The following WWOX variants were observed in gnomAD, a reference collection of about 807,000 sequenced individuals.
The protein encoded by WWOX is WW domain containing oxidoreductase.
WWOX carries 69 observed loss-of-function variants against 46.2 expected under a neutral mutation model. That is an observed-to-expected ratio of 1.49 (90% confidence interval 1.23 to 1.82). WWOX has a LOEUF of 1.82. Among genes scored for constraint, WWOX ranks in the 40% most tolerant of loss-of-function variants. WWOX has a pLI of 0.00. For synonymous variants in WWOX, 359 were observed against 202.6 expected (o/e 1.77, Z -6.56); for missense variants, 919 against 542.6 (o/e 1.69, Z -6.89).
intron 8 of WWOX, among the ~76,000 whole-genome samples, chr16:78,968,284 T>C (rs1353839672): frequency 5.9e-5 from 9 of 152,216 alleles, no homozygotes; most frequent in Non-Finnish European, 1.0e-4. Flanking sequence ...CTGTGCCCCA[T>C]AGTCCTACCC....
At chr16:78,873,194 A>T (rs1322273613) in intron 8 of WWOX, 1 of 152,120 alleles carries the variant, frequency 6.6e-6, no homozygotes, top group Non-Finnish European at 1.5e-5. Flanking sequence ...TCGTGCACTT[A>T]TTATGTATGT....
chr16:78,957,791 C>G (rs575367179), intron 8 of WWOX, among the ~76,000 whole-genome samples: 1 of 152,196 alleles, frequency 6.6e-6, no homozygotes, highest in South Asian at 2.1e-4. Flanking sequence ...ACTCTCTTGT[C>G]CTGTTTTAAT....
rs552991594 is a variant in WWOX at position 79,130,914 on chromosome 16, T to C, written c.1057-80694T>C. On this transcript the variant is annotated intron_variant, in intron 8 of 8. Coordinates refer to ENST00000566780, the MANE Select transcript of WWOX (RefSeq NM_016373.4). ...TTGAAATAGAAAAGGGGGAAATGGC[T>C]GCATGCCAACCGAAGAGACCACTGC... 1.1e-3 allele frequency among the ~76,000 whole-genome samples: 166 copies of C among 152,308 alleles called. 1 individual carries two copies. The highest frequency in any genetic ancestry group is 5.4e-3 in the South Asian group (26 of 4,826).
intron 5 of WWOX, among the ~76,000 whole-genome samples, chr16:78,187,496 G>C (rs1241024410): frequency 8.5e-5 from 13 of 152,112 alleles, no homozygotes; most frequent in Admixed American, 7.2e-4. Flanking sequence ...CCACCTACTT[G>C]GGAGGCTAAG....
chr16:78,120,503 G>C (rs950846497), intron 4 of WWOX, among the ~76,000 whole-genome samples: 6 of 151,690 alleles, frequency 4.0e-5, no homozygotes, highest in Admixed American at 1.3e-4. Context: ...CCGGGAAGTG[G>C]AGCTTGCAGT....
chr16:78,929,256 T>A (rs955518245), intron 8 of WWOX, among the ~76,000 whole-genome samples: 79 of 71,702 alleles, frequency 1.1e-3, no homozygotes, highest in African/African-American at 7.9e-3. Context: ...ATACAGTGAT[T>A]TTTTTTTTTG....
chr16:79,167,191 C>G (rs917194417), intron 8 of WWOX, among the ~76,000 whole-genome samples: 24 of 152,296 alleles, frequency 1.6e-4, no homozygotes, highest in South Asian at 4.1e-4. Context: ...ATCCACCCAC[C>G]TCGGCCTCCC....
chr16:79,163,645 A>G (rs1303513328), intron 8 of WWOX, among the ~76,000 whole-genome samples: 1 of 152,058 alleles, frequency 6.6e-6, no homozygotes, highest in African/African-American at 2.4e-5. Flanking sequence ...CTAAACATAC[A>G]AAATTAGCCT....
intron 6 of WWOX, among the ~76,000 whole-genome samples, chr16:78,415,313 T>A (rs1597197876): frequency 1.3e-5 from 2 of 152,170 alleles, no homozygotes; most frequent in South Asian, 4.2e-4. Flanking sequence ...TATTAGGGTA[T>A]AATGAGTAGT....
intron 8 of WWOX, among the ~76,000 whole-genome samples, chr16:78,735,597 C>A (rs2049072172): frequency 6.6e-6 from 1 of 152,228 alleles, no homozygotes; most frequent in South Asian, 2.1e-4. Flanking sequence ...TTTGTGTCTG[C>A]AGGCATGGGC....
intron 8 of WWOX, among the ~76,000 whole-genome samples, chr16:78,995,564 TAAAAAAAAAAGA>T (rs1182289736): frequency 7.0e-6 from 1 of 142,996 alleles, no homozygotes; most frequent in African/African-American, 2.6e-5. Context: ...ACTGTCTTTA[TAAAAAAAAAAGA>T]AAAAGAAAAA....
intron 8 of WWOX, among the ~76,000 whole-genome samples, chr16:78,456,335 A>T (rs1178071879): frequency 6.6e-6 from 1 of 152,186 alleles, no homozygotes; most frequent in Non-Finnish European, 1.5e-5. Context: ...GAGGCAAGAG[A>T]AGAAAATAGT....
At chr16:78,831,815 A>T (rs1473439195) in intron 8 of WWOX, among the ~76,000 whole-genome samples, 1 of 152,232 alleles carries the variant, frequency 6.6e-6, no homozygotes, top group Non-Finnish European at 1.5e-5. Context: ...GTAGCACTGC[A>T]TGTCAAGCCA....
intron 8 of WWOX, among the ~76,000 whole-genome samples, chr16:78,687,982 T>G (rs2047900525): frequency 6.6e-6 from 1 of 152,170 alleles, no homozygotes; most frequent in South Asian, 2.1e-4. Context: ...ACAAATGAAC[T>G]TGCTACTTGG....
chr16:78,794,129 C>A (rs181674203), intron 8 of WWOX, among the ~76,000 whole-genome samples: 1 of 152,192 alleles, frequency 6.6e-6, no homozygotes, highest in East Asian at 1.9e-4. Flanking sequence ...ACAGAGCCTG[C>A]ATAATTGCAT....
At chr16:78,546,221 G>A (rs986440061) in intron 8 of WWOX, among the ~76,000 whole-genome samples, 8 of 152,178 alleles carry the variant, frequency 5.3e-5, no homozygotes, top group African/African-American at 1.9e-4. Flanking sequence ...CTCTAACCTT[G>A]TGTAGGAGCT....
At chr16:78,689,463 G>C (rs916399139) in intron 8 of WWOX, among the ~76,000 whole-genome samples, 11 of 152,166 alleles carry the variant, frequency 7.2e-5, no homozygotes, top group Admixed American at 2.0e-4. Flanking sequence ...CAGCTCCTCA[G>C]AGCCCACTTC....
At chr16:78,261,784 C>CTAGATATATATATATATA (rs1259613713) in intron 5 of WWOX, among the ~76,000 whole-genome samples, 1 of 50,900 alleles carries the variant, frequency 2.0e-5, no homozygotes, top group African/African-American at 1.2e-4. Flanking sequence ...ATCTATCTAT[C>CTAGATATATATATATATA]TATCTATATA....
intron 8 of WWOX, among the ~76,000 whole-genome samples, chr16:78,497,974 G>A (rs980805154): frequency 2.4e-4 from 36 of 152,028 alleles, no homozygotes; most frequent in African/African-American, 7.7e-4. Flanking sequence ...AGGCCGAGGT[G>A]GGCGGATCAC....
Sources: gnomAD v4.1 joint callset for allele counts (sites outside exome capture counted in the v4.1 genomes callset) on GRCh38, gnomAD v4.1.1 for gene constraint, MANE v1.5 for transcripts, NCBI Gene and HGNC (gene_info 2026-07-23, HGNC 2026-07-21) for gene names.